The following DLGAP1 variants were observed in gnomAD, a reference collection of about 807,000 sequenced individuals.
The protein encoded by DLGAP1 is DLG associated protein 1, also known as disks large-associated protein 1.
In DLGAP1, 11 loss-of-function variants were observed where a neutral mutation model predicts 90.8. The observed-to-expected ratio is 0.12, with a 90% confidence interval of 0.08 to 0.20. The LOEUF (loss-of-function observed/expected upper bound fraction) is 0.20, where lower values mean the gene tolerates loss of function less well. DLGAP1 is among the 10% of genes least tolerant of loss of function. DLGAP1 has a pLI of 1.00. For synonymous variants in DLGAP1, 558 were observed against 540.7 expected (o/e 1.03, Z -0.44); for missense variants, 1,050 against 1,333.8 (o/e 0.79, Z 3.31).
At chr18:3,545,275 A>G (rs1335907645) in intron 9 of DLGAP1, among the ~76,000 whole-genome samples, 1 of 152,116 alleles carries the variant, frequency 6.6e-6, no homozygotes, top group Non-Finnish European at 1.5e-5. Flanking sequence ...CCCCGTCTCC[A>G]AAACAAAAAG....
rs1274029678 is a variant in DLGAP1 at position 4,110,987 on chromosome 18, AATGAAGCTCTCTTCATTTC to A, written c.-159+40174_-159+40192del. ...CAAATCCTTTTTCCTCCCAAATGCAAATGAAGCTCTCTTCATTTCATGAAGCTGATCTCATCTAAAGGTT... is the reference window on the plus strand; with the variant it reads ...CAAATCCTTTTTCCTCCCAAATGCAAATGAAGCTGATCTCATCTAAAGGTT... On this transcript the variant is annotated intron_variant, in intron 2 of 12. Transcript: ENST00000315677. Among the ~76,000 whole-genome samples the A allele has an allele frequency of 1.4e-4, 22 of 152,214 alleles. No individual in the cohort carries two copies. In the South Asian group the frequency reaches 4.0e-3, roughly 27 times the overall value.
In DLGAP1 at chr18:4,157,660, G is replaced by T. The variant is rs184246723; in HGVS notation, c.-266-6373C>A. On this transcript the variant is annotated intron_variant, in intron 1 of 12. Transcript: ENST00000315677. ...GTCCAATAGGACAGTGAGCATCAAG[G>T]GAGCAGGGGCTGTCTGCACACTGTG... 1.9e-3 allele frequency among the ~76,000 whole-genome samples: 290 copies of T among 152,298 alleles called. 2 individuals are homozygous for T. Among genetic ancestry groups the T allele is most frequent in the African/African-American group, 6.7e-3 (280 of 41,566 alleles).
chr18:4,318,555 T>C (rs1369350728), intron 1 of DLGAP1, among the ~76,000 whole-genome samples: 1 of 152,168 alleles, frequency 6.6e-6, no homozygotes, highest in East Asian at 1.9e-4. Context: ...GGGGCAAGAA[T>C]TGGTAGGATA....
chr18:3,840,074 A>G (rs2068629204), intron 4 of DLGAP1, among the ~76,000 whole-genome samples: 1 of 152,210 alleles, frequency 6.6e-6, no homozygotes, highest in South Asian at 2.1e-4. Flanking sequence ...CTGACCACGT[A>G]TTTAGGCACA....
intron 2 of DLGAP1, among the ~76,000 whole-genome samples, chr18:4,118,727 G>A (rs72858732): frequency 6.6e-6 from 1 of 151,966 alleles, no homozygotes; most frequent in African/African-American, 2.4e-5. Context: ...TCCTCAATCA[G>A]TTTCCCTAAG....
chr18:4,119,597 C>T (rs974418393), intron 2 of DLGAP1, among the ~76,000 whole-genome samples: 1 of 152,048 alleles, frequency 6.6e-6, no homozygotes, highest in African/African-American at 2.4e-5. Flanking sequence ...GGATGACAGC[C>T]GAAGGCACAC....
At chr18:4,217,032 T>C (rs2077972844) in intron 1 of DLGAP1, among the ~76,000 whole-genome samples, 1 of 152,196 alleles carries the variant, frequency 6.6e-6, no homozygotes, top group East Asian at 1.9e-4. Flanking sequence ...GTTCCATATA[T>C]CCGTCCGTCT....
intron 6 of DLGAP1, among the ~76,000 whole-genome samples, chr18:3,741,124 C>CCAT (rs1568048628): frequency 2.8e-5 from 3 of 109,020 alleles, no homozygotes; most frequent in African/African-American, 1.0e-4. Context: ...ACCACCATCA[C>CCAT]CACCACCACC....
At chr18:4,269,317 T>C (rs949017984) in intron 1 of DLGAP1, among the ~76,000 whole-genome samples, 19 of 147,250 alleles carry the variant, frequency 1.3e-4, no homozygotes, top group Non-Finnish European at 2.2e-4. Flanking sequence ...CTAATATTCA[T>C]ATTATTTTAT....
chr18:3,551,252 T>C (rs1468803118), intron 9 of DLGAP1, among the ~76,000 whole-genome samples: 1 of 15,610 alleles, frequency 6.4e-5, no homozygotes, highest in East Asian at 0.1. Flanking sequence ...TGCTACTATT[T>C]CTTTTTTTCT....
intron 2 of DLGAP1, among the ~76,000 whole-genome samples, chr18:4,147,570 CTT>C: frequency 7.6e-6 from 1 of 132,258 alleles, no homozygotes; most frequent in African/African-American, 2.9e-5. Context: ...TTCATCCATT[CTT>C]CCATCCATCC....
At chr18:4,185,874 A>G (rs2077284794) in intron 1 of DLGAP1, among the ~76,000 whole-genome samples, 1 of 152,128 alleles carries the variant, frequency 6.6e-6, no homozygotes, top group Middle Eastern at 3.2e-3. Context: ...GCTTTTCACA[A>G]TGATTGAACT....
At chr18:4,067,750 A>T (rs763839518) in intron 2 of DLGAP1, among the ~76,000 whole-genome samples, 5 of 152,074 alleles carry the variant, frequency 3.3e-5, no homozygotes, top group African/African-American at 1.2e-4. Flanking sequence ...AACCCCTTCA[A>T]GCAATTGCCA....
chr18:3,966,266 T>A (rs1320061791), intron 3 of DLGAP1, among the ~76,000 whole-genome samples: 1 of 151,628 alleles, frequency 6.6e-6, no homozygotes, highest in Admixed American at 6.6e-5. Context: ...CAGGGCTTGG[T>A]GGGTGGGGAA....
intron 7 of DLGAP1, among the ~76,000 whole-genome samples, chr18:3,723,898 C>T (rs558412949): frequency 1.3e-5 from 2 of 152,296 alleles, no homozygotes; most frequent in South Asian, 4.1e-4. Flanking sequence ...TCCCAAGCTA[C>T]ATCCAAGAGG....
At chr18:3,981,825 T>C (rs2073737344) in intron 3 of DLGAP1, among the ~76,000 whole-genome samples, 1 of 152,186 alleles carries the variant, frequency 6.6e-6, no homozygotes, top group African/African-American at 2.4e-5. Context: ...TAGTGATGGA[T>C]TCTCTTTCAC....
intron 4 of DLGAP1, among the ~76,000 whole-genome samples, chr18:3,850,838 G>C (rs1379070885): frequency 6.6e-6 from 1 of 151,882 alleles, no homozygotes; most frequent in African/African-American, 2.4e-5. Context: ...GATTAACTTG[G>C]TTGATAGGTA....
intron 3 of DLGAP1, among the ~76,000 whole-genome samples, chr18:3,987,388 T>G (rs1207435996): frequency 6.6e-6 from 1 of 152,218 alleles, no homozygotes; most frequent in Admixed American, 6.5e-5. Context: ...ACCCACTGGC[T>G]TCAATGGGCA....
intron 3 of DLGAP1, chr18:3,986,510 A>G (rs1180139274): frequency 6.6e-6 from 1 of 151,820 alleles, no homozygotes; most frequent in Non-Finnish European, 1.5e-5. Context: ...TCTTCCAAAT[A>G]TGTGGGATTC....
Sources: gnomAD v4.1 joint callset for allele counts (sites outside exome capture counted in the v4.1 genomes callset) on GRCh38, gnomAD v4.1.1 for gene constraint, MANE v1.5 for transcripts, NCBI Gene and HGNC (gene_info 2026-07-23, HGNC 2026-07-21) for gene names.